CFAP45: variants seen among roughly 807,000 people sequenced by gnomAD.
The protein encoded by CFAP45 is cilia- and flagella-associated protein 45.
In CFAP45, 43 loss-of-function variants were observed where a neutral mutation model predicts 75.6. The ratio of observed to expected loss-of-function variants is 0.57; its 90% CI spans 0.45 to 0.73. The LOEUF (loss-of-function observed/expected upper bound fraction) is 0.73, where lower values mean the gene tolerates loss of function less well. Among genes scored for constraint, CFAP45 ranks in the 30% least tolerant of loss-of-function variants. The pLI, the probability that CFAP45 is intolerant of heterozygous loss-of-function variation, is 0.00. For synonymous variants in CFAP45, 223 were observed against 244.6 expected (o/e 0.91, Z 0.82); for missense variants, 689 against 701.5 (o/e 0.98, Z 0.20).
At position 159,873,172 on chromosome 1, in the gene CFAP45, G is replaced by C. The variant is rs764535834; in HGVS notation, c.1353-4C>G. On this transcript the variant is annotated splice_region_variant and splice_polypyrimidine_tract_variant and intron_variant, in intron 10 of 11. Transcript: ENST00000368099. ...CTCAATCTGTTCTCTCTGAGCCCTG[G>C]GGGAGGGAAACAGGAATGGAATGAA... 7 of 1,612,702 alleles carry C rather than the reference G, an allele frequency of 4.3e-6. No homozygotes were observed. Among genetic ancestry groups the C allele is most frequent in the South Asian group, 3.3e-5 (3 of 91,054 alleles).
At position 159,888,018 on chromosome 1, in the gene CFAP45, G is replaced by T; in HGVS notation, c.418-7C>A. 2 of 1,613,382 alleles carry T rather than the reference G, an allele frequency of 1.2e-6. No individual in the cohort carries two copies. The highest frequency in any genetic ancestry group is 2.2e-5 in the South Asian group (2 of 91,052). ...TTCGTGTCATCACTGCATCCTAAGG[G>T]AGACCAGTCTGGCTCAGTGGGAGAT... On this transcript the variant is annotated splice_region_variant and splice_polypyrimidine_tract_variant and intron_variant, in intron 4 of 11. Coordinates refer to ENST00000368099, the MANE Select transcript of CFAP45 (RefSeq NM_012337.3).
chr1:159,877,107 GTTC>G (rs1649421630), intron 9 of CFAP45, among the ~76,000 whole-genome samples: 1 of 152,358 alleles, frequency 6.6e-6, no homozygotes, highest in African/African-American at 2.4e-5. Flanking sequence ...AAGGTTGAAA[GTTC>G]TTCTTTATGG....
intron 11 of CFAP45, 93 bp from the exon 12 acceptor site, chr1:159,872,656 G>A: frequency 8.9e-7 from 1 of 1,129,502 alleles, no homozygotes; most frequent in East Asian, 2.4e-5. Context: ...ACAGAACCTG[G>A]GGGCCTGCAC....
At chr1:159,892,866 A>G (rs1312991379) in intron 2 of CFAP45, among the ~76,000 whole-genome samples, 1 of 152,216 alleles carries the variant, frequency 6.6e-6, no homozygotes, top group Non-Finnish European at 1.5e-5. Flanking sequence ...CAGCCCTGCA[A>G]TGTTTCCATC....
chr1:159,885,182 A>C (rs1314681612), intron 6 of CFAP45, among the ~76,000 whole-genome samples: 1 of 152,226 alleles, frequency 6.6e-6, no homozygotes, highest in Non-Finnish European at 1.5e-5. Flanking sequence ...AGTAAACAGG[A>C]GTAAAGAGTA....
Position 159,886,493 on chromosome 1 carries a change from C to T in CFAP45, c.767+18G>A, listed in dbSNP as rs995174714. The T allele has an allele frequency of 1.9e-6, 3 of 1,611,766 alleles. No homozygotes were observed. Among genetic ancestry groups the T allele is most frequent in the African/African-American group, 2.7e-5 (2 of 74,880 alleles). On this transcript the variant is annotated intron_variant, in intron 6 of 11. Transcript: ENST00000368099. ...TGGAAATAGCTTAGAGAGGGAGATGCCAAAACCACATCTTTACCTAATTCT... is the reference window on the plus strand; with the variant it reads ...TGGAAATAGCTTAGAGAGGGAGATGTCAAAACCACATCTTTACCTAATTCT...
chr1:159,893,267 G>A lies in CFAP45; in HGVS notation c.42C>T (p.Ala14=), dbSNP rs771229914. The part of the protein sequence containing the change: ...STAGILSSSS[A]ASNRSRNKAR... Reference sequence around the variant, plus strand: ...CCTTATTCCTTGACCTGTTGGAAGCGGCAGAAGAGGAGCTCAGGATGCCAG... The same window carrying A: ...CCTTATTCCTTGACCTGTTGGAAGCAGCAGAAGAGGAGCTCAGGATGCCAG... The change falls in exon 2 of 12, where the codon GCC becomes GCT. Residue 14 remains alanine (A), a synonymous_variant. Coordinates refer to ENST00000368099, the MANE Select transcript of CFAP45 (RefSeq NM_012337.3). 28 of 1,613,590 alleles carry A rather than the reference G, an allele frequency of 1.7e-5. No homozygotes were observed. Among genetic ancestry groups the A allele is most frequent in the East Asian group, 1.3e-4 (6 of 44,894 alleles).
intron 3 of CFAP45, among the ~76,000 whole-genome samples, chr1:159,889,218 A>G (rs1028879693): frequency 3.3e-5 from 5 of 151,752 alleles, no homozygotes; most frequent in African/African-American, 9.7e-5. Flanking sequence ...TCAACAAACC[A>G]ATCGCTAATT....
At chr1:159,880,745 C>G (rs375075077) in intron 7 of CFAP45, 45 bp from the exon 8 acceptor site, 1 of 1,595,018 alleles carries the variant, frequency 6.3e-7, no homozygotes, top group South Asian at 1.1e-5. Flanking sequence ...AGAGGTAAGA[C>G]AAGAAGCCAC....
At position 159,872,962 on chromosome 1, in the gene CFAP45, T is replaced by C. The variant is rs781558232; in HGVS notation, c.1559A>G (p.Lys520Arg). Residue 520 changes from lysine (K) to arginine (R), a missense_variant, in exon 11 of 12, where the codon AAA becomes AGA. Physicochemically the swap from Lys to Arg is conservative, Grantham distance 26 (BLOSUM62 2). Transcript: ENST00000368099. ...AGCGCACCTCAGCTCTTCAAGCTTT[T>C]TCCTCTTGATCTCATCGATGCGCTC... ...RRERIDEIKR[K>R]KLEELRATGL... The C allele has an allele frequency of 6.2e-7, 1 of 1,614,224 alleles. No individual in the cohort carries two copies. Among genetic ancestry groups the C allele is most frequent in the East Asian group, 2.2e-5 (1 of 44,880 alleles).
rs759961532 is a variant in CFAP45 at position 159,884,493 on chromosome 1, C to T, written c.840G>A (p.Glu280=). ...ATTCCAGCATCTGCTCCTTCTCCTG[C>T]TCCCGCTGCTCAGCAAGCAGCGATC... The part of the protein sequence containing the change: ...EERSLLAEQR[E]QEKEQMLEYM... Residue 280 remains glutamate, a synonymous_variant, in exon 7 of 12, where the codon GAG becomes GAA. Coordinates refer to ENST00000368099, the MANE Select transcript of CFAP45 (RefSeq NM_012337.3). 6.2e-7 allele frequency: 1 copy of T among 1,613,954 alleles called. No individual in the cohort carries two copies. Among genetic ancestry groups the T allele is most frequent in the South Asian group, 1.1e-5 (1 of 91,012 alleles).
At chr1:159,887,295 GGT>G in intron 5 of CFAP45, among the ~76,000 whole-genome samples, 1 of 152,186 alleles carries the variant, frequency 6.6e-6, no homozygotes, top group South Asian at 2.1e-4. Flanking sequence ...AGAAATCAGA[GGT>G]GCAGGGATTG....
At chr1:159,883,662 A>G (rs1012861754) in intron 7 of CFAP45, among the ~76,000 whole-genome samples, 1 of 150,472 alleles carries the variant, frequency 6.6e-6, no homozygotes, top group African/African-American at 2.4e-5. Context: ...ATACACACAC[A>G]CCTAGAAAGA....
chr1:159,881,940 A>G (rs1480231489), intron 7 of CFAP45, among the ~76,000 whole-genome samples: 1 of 152,180 alleles, frequency 6.6e-6, no homozygotes, highest in African/African-American at 2.4e-5. Flanking sequence ...TCCAAAGACT[A>G]AATCCCTCCC....
intron 6 of CFAP45, 108 bp downstream of exon 6, chr1:159,886,403 G>A: frequency 1.0e-6 from 1 of 952,954 alleles, no homozygotes; most frequent in Non-Finnish European, 1.6e-6. Context: ...ATAATAAGTA[G>A]ATGACAATAA....
rs766402815 is a variant in CFAP45, at chr1:159,893,420, CAGTT to C, written c.4-119_4-116del. 180 of 1,010,544 alleles carry C rather than the reference CAGTT, an allele frequency of 1.8e-4. 1 individual carries two copies. The highest frequency in any genetic ancestry group is 6.9e-4 in the African/African-American group (43 of 62,766). The allele number at this position is 1,010,544 out of a possible 1,614,324, so 62.6% of individuals were successfully genotyped here. A position where few individuals can be genotyped will look rare whatever the true frequency, so the allele number is the denominator to read the frequency against. On this transcript the variant is annotated intron_variant, in intron 1 of 11. Transcript: ENST00000368099. Reference sequence around the variant, plus strand: ...AGTGGGTGGGCATGTGAAAAAGAAACAGTTAGGGAAAGCGGCTGTGTAAACTCTG... The same window carrying C: ...AGTGGGTGGGCATGTGAAAAAGAAACAGGGAAAGCGGCTGTGTAAACTCTG...
intron 3 of CFAP45, among the ~76,000 whole-genome samples, chr1:159,890,160 T>C (rs1397781933): frequency 2.0e-5 from 3 of 152,196 alleles, no homozygotes; most frequent in Non-Finnish European, 2.9e-5. Context: ...GGGAGGGTAC[T>C]AATGGGGACT....
At position 159,876,700 on chromosome 1, in the gene CFAP45, C is replaced by G. The variant is rs778198689; in HGVS notation, c.1208G>C (p.Arg403Pro). 6.2e-7 allele frequency: 1 copy of G among 1,614,170 alleles called. No individual in the cohort carries two copies. Among genetic ancestry groups the G allele is most frequent in the South Asian group, 1.1e-5 (1 of 91,080 alleles). ...RNQEVADREW[R>P]RKEKENARKK... ...CCGCGCATTTTCCTTTTCCTTTCTG[C>G]GCCACTCTCTGTCTGCAACCTCCTG... Residue 403 changes from arginine to proline, a missense_variant, in exon 10 of 12, where the codon CGC (arginine) becomes CCC (proline). Arg to Pro is a moderately radical substitution (Grantham distance 103, BLOSUM62 -2). Coordinates refer to ENST00000368099, the MANE Select transcript of CFAP45 (RefSeq NM_012337.3).
chr1:159,893,383 C>G (rs1649874382), intron 1 of CFAP45, 78 bp from the exon 2 acceptor site: 2 of 1,431,202 alleles, frequency 1.4e-6, no homozygotes, highest in Non-Finnish European at 2.0e-6. Flanking sequence ...ATTCACCAGC[C>G]CATGCTGGGG....
Sources: allele counts gnomAD v4.1 joint callset (sites outside exome capture counted in the v4.1 genomes callset), GRCh38; gene constraint gnomAD v4.1.1; transcripts MANE v1.5; gene names NCBI Gene and HGNC (gene_info 2026-07-23, HGNC 2026-07-21).